The following FLT1 variants were observed in gnomAD, a reference collection of about 807,000 sequenced individuals.
FLT1 encodes the protein vascular endothelial growth factor receptor 1.
In FLT1, 49 loss-of-function variants were observed where a neutral mutation model predicts 156.3. The ratio of observed to expected loss-of-function variants is 0.31; its 90% CI spans 0.25 to 0.40. The LOEUF (loss-of-function observed/expected upper bound fraction) is 0.40. Among genes scored for constraint, FLT1 ranks in the 10% least tolerant of loss-of-function variants. The pLI, the probability that FLT1 is intolerant of heterozygous loss-of-function variation, is 1.00. For missense variants in FLT1, 1,322 were observed against 1,637.2 expected, an observed-to-expected ratio of 0.81 and a Z score of 3.32; for synonymous variants, 594 against 583.8, an observed-to-expected ratio of 1.02 and a Z score of -0.25.
chr13:28,495,029 C>A lies in FLT1; in HGVS notation c.-186G>T, dbSNP rs1384097244. The A allele has an allele frequency of 2.0e-6, 1 of 496,058 alleles. No individual in the cohort carries two copies. Among genetic ancestry groups the A allele is most frequent in the East Asian group, 3.5e-5 (1 of 28,242 alleles). 30.7% of individuals were successfully genotyped at this position (496,058 alleles called of 1,614,324 possible). Reference sequence around the variant, plus strand: ...GCCGCCAGGCGCCCGCTGGCCGCTGCACCCGAGCCCCGGAGCCCGCTCCGA... The same window carrying A: ...GCCGCCAGGCGCCCGCTGGCCGCTGAACCCGAGCCCCGGAGCCCGCTCCGA... On this transcript the variant is annotated 5_prime_UTR_variant, in exon 1 of 30. Coordinates refer to ENST00000282397, the MANE Select transcript of FLT1 (RefSeq NM_002019.4). This position sits in a 1 kb window ranked among gnomAD's most constrained non-coding sequence, Gnocchi z 4.1.
chr13:28,342,936 C>A (rs891822321), intron 16 of FLT1, among the ~76,000 whole-genome samples: 4 of 65,936 alleles, frequency 6.1e-5, no homozygotes, highest in African/African-American at 8.4e-5. Flanking sequence ...ACCATAATTT[C>A]TTTCTTTCTT....
chr13:28,442,796 G>A (rs1878408377), intron 3 of FLT1, among the ~76,000 whole-genome samples: 1 of 151,912 alleles, frequency 6.6e-6, no homozygotes, highest in Non-Finnish European at 1.5e-5. Context: ...TTTACTTCAA[G>A]GAAGGGCTAA....
chr13:28,319,317 G>T (rs538575041), intron 24 of FLT1, 106 bp downstream of exon 24: 9 of 756,388 alleles, frequency 1.2e-5, no homozygotes, highest in South Asian at 1.2e-4. Flanking sequence ...AGAGTTTTTT[G>T]TTACAGTAGG....
chr13:28,334,163 G>T, intron 17 of FLT1, 34 bp from the exon 18 acceptor site: 1 of 1,373,800 alleles, frequency 7.3e-7, no homozygotes, highest in Non-Finnish European at 1.0e-6. Flanking sequence ...TTTGTTTGCC[G>T]AGGCAATAGG....
intron 27 of FLT1, 52 bp downstream of exon 27, chr13:28,311,538 C>T: frequency 5.0e-5 from 72 of 1,431,968 alleles, no homozygotes; most frequent in East Asian, 2.1e-4. Context: ...TTCTTTCCTT[C>T]TTTTTTTTGT....
At position 28,339,365 on chromosome 13, in the gene FLT1, G is replaced by A. The variant is rs188419026; in HGVS notation, c.2356-65C>T. The A allele has an allele frequency of 7.7e-3, 11,865 of 1,547,206 alleles. 161 individuals carry two copies. Among genetic ancestry groups the A allele is most frequent in the Non-Finnish European group, 7.2e-3 (8,200 of 1,132,000 alleles). On this transcript the variant is annotated intron_variant, in intron 16 of 29. Coordinates refer to ENST00000282397, the MANE Select transcript of FLT1 (RefSeq NM_002019.4). The stretch of plus-strand genomic sequence containing the variant: ...CAACTTTACAAATCCTAGATATTCC[G>A]TTAACATCCACTGTTTTATTTGGGA...
chr13:28,324,444 C>T (rs1593681072), intron 20 of FLT1, among the ~76,000 whole-genome samples: 1 of 152,188 alleles, frequency 6.6e-6, no homozygotes, highest in Non-Finnish European at 1.5e-5. Flanking sequence ...GGAGGGACAG[C>T]CCTAACCTAG....
chr13:28,357,015 A>C (rs1872922387), intron 15 of FLT1, among the ~76,000 whole-genome samples: 1 of 152,228 alleles, frequency 6.6e-6, no homozygotes, highest in Non-Finnish European at 1.5e-5. Flanking sequence ...TATTTTTCTT[A>C]AATGTCATCT....
In FLT1 at chr13:28,306,724, G is replaced by A. The variant is rs199599880; in HGVS notation, c.3769C>T (p.Arg1257Cys). Residue 1257 changes from arginine (R) to cysteine (C), a missense_variant, in exon 29 of 30, where the codon CGC (arginine) becomes TGC (cysteine). This residue lies in a region of FLT1 where 329 missense variants were observed against 366.2 expected (regional missense o/e 0.90). Coordinates refer to ENST00000282397, the MANE Select transcript of FLT1 (RefSeq NM_002019.4). ...GGTTTGCTGTCAGTCCAGGTGAAGC[G>A]CTTCAGCATGGGAGAGGCCAACAGA... Reference protein sequence around the residue: ...STLLASPMLKRFTWTDSKPKA... With the variant: ...STLLASPMLKCFTWTDSKPKA... The A allele has an allele frequency of 3.9e-5, 63 of 1,613,788 alleles. No individual in the cohort carries two copies. The highest frequency in any genetic ancestry group is 9.3e-5 in the African/African-American group (7 of 74,886).
In FLT1 at chr13:28,458,643, T is replaced by C. The variant is rs58041538; in HGVS notation, c.388+8260A>G. Among the ~76,000 whole-genome samples the C allele has an allele frequency of 8.0e-3, 1,221 of 152,362 alleles. 16 individuals carry two copies. The highest frequency in any genetic ancestry group is 0.028 in the African/African-American group (1,164 of 41,586). ...GAGTGGCTTCTGTCCCAATCATATA[T>C]CAGGGTCTTCTATAGTCAAGCTCCC... On this transcript the variant is annotated intron_variant, in intron 3 of 29. Coordinates refer to ENST00000282397, the MANE Select transcript of FLT1 (RefSeq NM_002019.4).
chr13:28,388,714 A>T lies in FLT1; in HGVS notation c.1969+1082T>A, dbSNP rs1874519721. 8 of 1,057,474 alleles carry T rather than the reference A, an allele frequency of 7.6e-6. No homozygotes were observed. In the South Asian group the frequency reaches 2.7e-4, roughly 36 times the overall value. 65.5% of individuals were successfully genotyped at this position (1,057,474 alleles called of 1,614,324 possible). On this transcript the variant is annotated intron_variant, in intron 13 of 29. Transcript: ENST00000282397. Reference sequence around the variant, plus strand: ...GCATATGGGGAAAGTGGACTTTTTTAAAGGGCAAATTTTAAATTTACATTT... The same window carrying T: ...GCATATGGGGAAAGTGGACTTTTTTTAAGGGCAAATTTTAAATTTACATTT...
chr13:28,319,629 G>GC, intron 23 of FLT1, 95 bp from the exon 24 acceptor site: 2 of 737,244 alleles, frequency 2.7e-6, no homozygotes, highest in South Asian at 2.9e-5. Flanking sequence ...ATAACATACG[G>GC]CCTATAAATC....
At chr13:28,478,086 G>A (rs1467639140) in intron 1 of FLT1, among the ~76,000 whole-genome samples, 1 of 152,182 alleles carries the variant, frequency 6.6e-6, no homozygotes, top group African/African-American at 2.4e-5. Context: ...TTAGCTGCAA[G>A]AGCATTTGCA....
intron 1 of FLT1, among the ~76,000 whole-genome samples, chr13:28,482,612 T>C (rs955149943): frequency 1.3e-5 from 2 of 152,206 alleles, no homozygotes; most frequent in Non-Finnish European, 2.9e-5. Flanking sequence ...AAATGGTGAA[T>C]GAATTACTCC....
intron 2 of FLT1, 105 bp from the exon 3 acceptor site, chr13:28,467,234 G>T: frequency 1.2e-6 from 1 of 868,436 alleles, no homozygotes; most frequent in Non-Finnish European, 1.9e-6. Context: ...CCTCTCTTAA[G>T]TGTAGTCATC....
intron 10 of FLT1, among the ~76,000 whole-genome samples, chr13:28,406,552 G>T (rs1875810401): frequency 6.6e-6 from 1 of 152,042 alleles, no homozygotes; most frequent in African/African-American, 2.4e-5. Context: ...GAATTTTTTT[G>T]AGCAGAAAGC....
intron 11 of FLT1, among the ~76,000 whole-genome samples, chr13:28,402,101 A>G (rs1875475112): frequency 6.6e-6 from 1 of 152,210 alleles, no homozygotes; most frequent in Non-Finnish European, 1.5e-5. Context: ...GCCAATAAGG[A>G]AACTAAATTT....
rs1471049459 is a variant in FLT1 at position 28,322,587 on chromosome 13, T to C, written c.2953+203A>G. 5 of 729,070 alleles carry C rather than the reference T, an allele frequency of 6.9e-6. No individual in the cohort carries two copies. Among genetic ancestry groups the C allele is most frequent in the East Asian group, 2.7e-5 (1 of 37,444 alleles). The allele number at this position is 729,070 out of a possible 1,614,324, so 45.2% of individuals were successfully genotyped here. On this transcript the variant is annotated intron_variant, in intron 21 of 29. Transcript: ENST00000282397. The surrounding 1 kb of genome is among the most constrained non-coding windows in gnomAD (Gnocchi z 4.3). ...GATGATCCATTAAGATGAAAATCCC[T>C]GAGGGGAGAAAACGGTACAGTTCCC...
intron 14 of FLT1, among the ~76,000 whole-genome samples, chr13:28,358,842 C>G (rs1024073863): frequency 2.0e-5 from 3 of 152,050 alleles, no homozygotes; most frequent in Admixed American, 2.0e-4. Context: ...AGGTCTGGCA[C>G]AGGGAAGGAG....
Sources: gnomAD v4.1 joint callset for allele counts (sites outside exome capture counted in the v4.1 genomes callset) on GRCh38, gnomAD v4.1.1 for gene constraint, gnomAD v4.1.1 regional missense constraint, Gnocchi (gnomAD v3.1) non-coding constraint, MANE v1.5 for transcripts, NCBI Gene and HGNC (gene_info 2026-07-23, HGNC 2026-07-21) for gene names.